Variants in PRIM2 observed in about 807,000 individuals in gnomAD.
PRIM2 encodes the protein DNA primase large subunit.
PRIM2 carries 39 observed loss-of-function variants against 67.3 expected under a neutral mutation model. The observed-to-expected ratio is 0.58, with a 90% CI of 0.45 to 0.76. The LOEUF (loss-of-function observed/expected upper bound fraction) is 0.76. Ranked by LOEUF, PRIM2 falls within the 30% of genes least tolerant of loss-of-function variation. The pLI, the probability that PRIM2 is intolerant of heterozygous loss-of-function variation, is 0.00. For missense variants in PRIM2, 398 were observed against 598.7 expected, an observed-to-expected ratio of 0.66 and a Z score of 3.50; for synonymous variants, 143 against 198.7, an observed-to-expected ratio of 0.72 and a Z score of 2.36.
At chr6:57,550,526 G>A (rs1775381505) in intron 10 of PRIM2, among the ~76,000 whole-genome samples, 1 of 151,998 alleles carries the variant, frequency 6.6e-6, no homozygotes, top group African/African-American at 2.4e-5. Flanking sequence ...ATTAGCTTTA[G>A]TAAATTTAAT....
At position 57,571,009 on chromosome 6, in the gene PRIM2, T is replaced by C. The variant is rs1225979698; in HGVS notation, c.1021-30084T>C. Among the ~76,000 whole-genome samples the C allele has an allele frequency of 1.4e-3, 210 of 152,294 alleles. 5 individuals carry two copies. In the East Asian group the frequency reaches 0.019, roughly 13 times the overall value. On this transcript the variant is annotated intron_variant, in intron 10 of 13. Transcript: ENST00000615550. The stretch of plus-strand genomic sequence containing the variant: ...GAATTTTACTGGAAAAGAAAATCTA[T>C]TTGATTTACATAATGATAAAACAGT...
At chr6:57,585,192 T>G (rs1776167211) in intron 10 of PRIM2, among the ~76,000 whole-genome samples, 2 of 152,198 alleles carry the variant, frequency 1.3e-5, no homozygotes, top group Non-Finnish European at 1.5e-5. Flanking sequence ...ATAAGTAATT[T>G]AAGTGATATT....
At chr6:57,249,786 G>A in the PRIM2 span, among the ~76,000 whole-genome samples, 3 of 152,100 alleles carry the variant, frequency 2.0e-5, no homozygotes, top group African/African-American at 7.2e-5. Context: ...TAACGTGCTG[G>A]TCAAAGGCTT....
intron 3 of PRIM2, among the ~76,000 whole-genome samples, chr6:57,321,897 C>G (rs1231241025): frequency 1.3e-5 from 2 of 152,112 alleles, no homozygotes; most frequent in Non-Finnish European, 2.9e-5. Flanking sequence ...AGATTTGAAT[C>G]TGGGTATTTT....
chr6:57,326,812 T>G (rs1264270644), intron 5 of PRIM2, among the ~76,000 whole-genome samples: 5 of 152,058 alleles, frequency 3.3e-5, no homozygotes, highest in Admixed American at 3.3e-4. Flanking sequence ...CTGAATGATT[T>G]ACATATTGTA....
At chr6:57,310,210 T>C (rs1044075843), upstream of PRIM2, among the ~76,000 whole-genome samples, 1 of 152,170 alleles carries the variant, frequency 6.6e-6, no homozygotes, top group African/African-American at 2.4e-5. Context: ...TCATCACTGG[T>C]CATCAGAGAA....
intron 5 of PRIM2, among the ~76,000 whole-genome samples, chr6:57,378,375 TA>T (rs1372088806): frequency 1.2e-4 from 18 of 150,314 alleles, no homozygotes; most frequent in East Asian, 9.7e-4. Flanking sequence ...CTTTTGCTTT[TA>T]AAAAAAAAAT....
chr6:57,346,803 G>A (rs1234488691), intron 5 of PRIM2, among the ~76,000 whole-genome samples: 1 of 152,160 alleles, frequency 6.6e-6, no homozygotes. Context: ...GGCAAATGGA[G>A]TTGTAAAGGT....
At chr6:57,306,709 G>A in the PRIM2 span, among the ~76,000 whole-genome samples, 1 of 152,152 alleles carries the variant, frequency 6.6e-6, no homozygotes, top group Non-Finnish European at 1.5e-5. Flanking sequence ...GTCTAATAGG[G>A]AGAGAAAAGA....
chr6:57,502,858 G>A (rs1473637172), intron 7 of PRIM2, among the ~76,000 whole-genome samples: 1 of 152,162 alleles, frequency 6.6e-6, no homozygotes, highest in Non-Finnish European at 1.5e-5. Flanking sequence ...GAACCAGGAG[G>A]TCACAGTTTC....
intron 5 of PRIM2, among the ~76,000 whole-genome samples, chr6:57,363,987 A>C (rs1262009494): frequency 2.0e-5 from 3 of 149,948 alleles, no homozygotes; most frequent in Non-Finnish European, 4.4e-5. Context: ...TTTTTTCTGA[A>C]CTATTTCCCA....
intron 7 of PRIM2, among the ~76,000 whole-genome samples, chr6:57,395,711 T>A (rs1770495828): frequency 6.6e-6 from 1 of 152,074 alleles, no homozygotes; most frequent in African/African-American, 2.4e-5. Flanking sequence ...TGGGTTTGGG[T>A]TTGGTTTGTT....
intron 7 of PRIM2, among the ~76,000 whole-genome samples, chr6:57,501,426 A>G (rs1403740562): frequency 9.2e-5 from 14 of 152,048 alleles, no homozygotes; most frequent in African/African-American, 3.4e-4. Context: ...CAGCCTCCTG[A>G]GTAGCTGGGA....
the PRIM2 span, among the ~76,000 whole-genome samples, chr6:57,225,293 G>C: frequency 2.6e-5 from 4 of 152,276 alleles, no homozygotes; most frequent in Admixed American, 2.6e-4. Context: ...TACAAGAGTA[G>C]AGAAAAAGTG....
chr6:57,482,903 A>T (rs1401761070), intron 7 of PRIM2, among the ~76,000 whole-genome samples: 1 of 152,076 alleles, frequency 6.6e-6, no homozygotes, highest in Non-Finnish European at 1.5e-5. Flanking sequence ...CCTCTTAGGA[A>T]AGTAGATTTT....
At position 57,420,319 on chromosome 6, in the gene PRIM2, G is replaced by A. The variant is rs141346029; in HGVS notation, c.693+38151G>A. On this transcript the variant is annotated intron_variant, in intron 7 of 13. Coordinates refer to ENST00000615550, the MANE Select transcript of PRIM2 (RefSeq NM_000947.5). ...GGGGTTCAAGACCAATGTGACCAAC[G>A]TGGTGAAACCCTGTCTCTACTAAAA... Among the ~76,000 whole-genome samples the A allele has an allele frequency of 1.3e-3, 191 of 152,128 alleles. 5 individuals carry two copies. The East Asian group carries it at 0.016, about 13-fold the overall frequency.
intron 5 of PRIM2, among the ~76,000 whole-genome samples, chr6:57,365,435 G>T (rs1769324941): frequency 6.6e-6 from 1 of 151,614 alleles, no homozygotes; most frequent in South Asian, 2.1e-4. Context: ...ATTATTTTGT[G>T]TGTATGAATT....
the PRIM2 span, among the ~76,000 whole-genome samples, chr6:57,243,545 T>G: frequency 6.6e-6 from 1 of 152,216 alleles, no homozygotes; most frequent in Non-Finnish European, 1.5e-5. Context: ...CTCAGCTCAC[T>G]GCAACCTCCG....
intron 7 of PRIM2, among the ~76,000 whole-genome samples, chr6:57,437,447 C>T (rs1772047693): frequency 6.6e-6 from 1 of 152,180 alleles, no homozygotes; most frequent in African/African-American, 2.4e-5. Flanking sequence ...CTGGTGGGCT[C>T]TCTATGTGCT....
Sources: gnomAD v4.1 joint callset for allele counts (sites outside exome capture counted in the v4.1 genomes callset) on GRCh38, gnomAD v4.1.1 for gene constraint, MANE v1.5 for transcripts, NCBI Gene and HGNC (gene_info 2026-07-23, HGNC 2026-07-21) for gene names.